Variants in GLI4 observed in about 807,000 individuals in gnomAD.
GLI4 encodes GLI family zinc finger 4.
In GLI4, 34 loss-of-function variants were observed where a neutral mutation model predicts 30.9. That is an observed-to-expected ratio of 1.10 (90% CI 0.84 to 1.47). GLI4 has a LOEUF of 1.47. Ranked by LOEUF, GLI4 falls within the 40% of genes most tolerant of loss-of-function variation. The probability of loss-of-function intolerance (pLI) is 0.00; values close to 1 mark genes in which losing one functional copy is unlikely to be tolerated. For missense variants in GLI4, 696 were observed against 538.9 expected (o/e 1.29, Z -2.89); for synonymous variants, 277 against 236.7 (o/e 1.17, Z -1.56).
At position 143,275,973 on chromosome 8, in the gene GLI4, G is replaced by A. The variant is rs1390701940; in HGVS notation, c.300G>A (p.Leu100=). 2 of 1,353,626 alleles carry A rather than the reference G, an allele frequency of 1.5e-6. No individual in the cohort carries two copies. Among genetic ancestry groups the A allele is most frequent in the Middle Eastern group, 4.0e-4 (2 of 5,054 alleles). 83.9% of individuals were successfully genotyped at this position (1,353,626 alleles called of 1,614,324 possible). ...QAPDEGAGGA[L]RSLLRSLPRR... ...CTGACGAGGGGGCGGGCGGGGCGCT[G>A]CGCAGCCTCCTGAGGAGCCTTCCCC... Residue 100 remains leucine (L), a synonymous_variant, in exon 4 of 4, where the codon CTG becomes CTA. Coordinates refer to ENST00000340042, the MANE Select transcript of GLI4 (RefSeq NM_138465.4).
Position 143,276,834 on chromosome 8 carries a change from A to G in GLI4, c.*30A>G, listed in dbSNP as rs1363150674. On this transcript the variant is annotated 3_prime_UTR_variant, in exon 4 of 4. Coordinates refer to ENST00000340042, the MANE Select transcript of GLI4 (RefSeq NM_138465.4). ...GCGGGGGCTCGGGGCTCGGCCTCCT[A>G]CCTGCCCCCAACCCACCCTCCACCC... 3 of 1,402,064 alleles carry G rather than the reference A, an allele frequency of 2.1e-6. No homozygotes were observed. The highest frequency in any genetic ancestry group is 1.4e-5 in the African/African-American group (1 of 70,442). 86.9% of individuals were successfully genotyped at this position (1,402,064 alleles called of 1,614,324 possible). A position where few individuals can be genotyped will look rare whatever the true frequency, so the allele number is the denominator to read the frequency against.
chr8:143,275,796 A>G, intron 3 of GLI4, 101 bp from the exon 4 acceptor site: 1 of 1,241,532 alleles, frequency 8.1e-7, no homozygotes, highest in Non-Finnish European at 1.0e-6. Context: ...TGTCCCCTCT[A>G]AGCCCCCCCG....
chr8:143,275,470 C>T, intron 3 of GLI4: 1 of 1,357,248 alleles, frequency 7.4e-7, no homozygotes, highest in South Asian at 2.0e-5. Flanking sequence ...TGGGGCAGCC[C>T]CATGAGGAGC....
At chr8:143,267,721 C>G in intron 1 of GLI4, 11 of 985,392 alleles carry the variant, frequency 1.1e-5, no homozygotes, top group Non-Finnish European at 1.3e-5. Flanking sequence ...GGTGTCCGTT[C>G]GCAGGGCGCC....
In GLI4 at chr8:143,275,278, G is replaced by A. The variant is rs929920132; in HGVS notation, c.223+476G>A. 9 of 1,496,988 alleles carry A rather than the reference G, an allele frequency of 6.0e-6. No individual in the cohort carries two copies. In the African/African-American group the frequency reaches 9.7e-5, roughly 16 times the overall value. 92.7% of individuals were successfully genotyped at this position (1,496,988 alleles called of 1,614,324 possible). The stretch of plus-strand genomic sequence containing the variant: ...GAAGCTCCCAGGGTTCCCTCTGGGC[G>A]ATGTTAGTGATATGGCTGGATTTAA... On this transcript the variant is annotated intron_variant, in intron 3 of 3. Coordinates refer to ENST00000340042, the MANE Select transcript of GLI4 (RefSeq NM_138465.4).
chr8:143,274,165 A>G (rs956605204), intron 2 of GLI4, among the ~76,000 whole-genome samples: 2 of 152,184 alleles, frequency 1.3e-5, no homozygotes, highest in African/African-American at 4.8e-5. Flanking sequence ...TGAGGAAGCC[A>G]GGGGCCAGTG....
intron 2 of GLI4, among the ~76,000 whole-genome samples, chr8:143,270,276 C>T (rs1815238645): frequency 6.6e-6 from 1 of 152,222 alleles, no homozygotes; most frequent in South Asian, 2.1e-4. Flanking sequence ...GAAGGGACCA[C>T]TGAGGCTTGT....
intron 1 of GLI4, among the ~76,000 whole-genome samples, chr8:143,268,845 T>TGCA: frequency 7.1e-6 from 1 of 140,812 alleles, no homozygotes; most frequent in East Asian, 2.1e-4. Context: ...CCTTTGCTGC[T>TGCA]GCTGCTGCTG....
At chr8:143,275,316 C>G in intron 3 of GLI4, 1 of 1,442,624 alleles carries the variant, frequency 6.9e-7, no homozygotes, top group East Asian at 2.6e-5. Flanking sequence ...GTGCTGAGCC[C>G]TCGCCCACAT....
chr8:143,271,686 T>C lies in GLI4; in HGVS notation c.124+2166T>C, dbSNP rs545345593. 3.5e-3 allele frequency among the ~76,000 whole-genome samples: 539 copies of C among 152,200 alleles called. 5 individuals carry two copies. Among genetic ancestry groups the C allele is most frequent in the African/African-American group, 0.013 (523 of 41,516 alleles). On this transcript the variant is annotated intron_variant, in intron 2 of 3. Coordinates refer to ENST00000340042, the MANE Select transcript of GLI4 (RefSeq NM_138465.4). Reference sequence around the variant, plus strand: ...ACCTCAGGAGCCTCTGGTGGGTGCGTTGCTGGGCACCAGGCCGTGACGTAT... The same window carrying C: ...ACCTCAGGAGCCTCTGGTGGGTGCGCTGCTGGGCACCAGGCCGTGACGTAT...
At chr8:143,271,853 A>G (rs1057268401) in intron 2 of GLI4, among the ~76,000 whole-genome samples, 1 of 152,348 alleles carries the variant, frequency 6.6e-6, no homozygotes, top group East Asian at 1.9e-4. Context: ...ACTTGGGGCC[A>G]TGGCCTAGCC....
At position 143,269,010 on chromosome 8, in the gene GLI4, A is replaced by C. The variant is rs1212151140; in HGVS notation, c.-37-350A>C. Among the ~76,000 whole-genome samples, 14 of 152,066 alleles carry C rather than the reference A, an allele frequency of 9.2e-5. 1 individual carries two copies. Among genetic ancestry groups the C allele is most frequent in the Admixed American group, 9.2e-4 (14 of 15,270 alleles). On this transcript the variant is annotated intron_variant, in intron 1 of 3. Transcript: ENST00000340042. ...AGGTGCCCGCCACTGCGCCCAGCTA[A>C]TTTTTATATTTTTAGTAGAGATGGG...
chr8:143,276,363 C>A lies in GLI4; in HGVS notation c.690C>A (p.His230Gln), dbSNP rs748029257. ...FRGWSGFIQH[H>Q]RIHTGEKPYE... Reference sequence around the variant, plus strand: ...GCTGGTCGGGCTTCATCCAGCACCACCGCATCCACACGGGCGAGAAGCCCT... The same window carrying A: ...GCTGGTCGGGCTTCATCCAGCACCAACGCATCCACACGGGCGAGAAGCCCT... Residue 230 changes from histidine to glutamine, a missense_variant, in exon 4 of 4, where the codon CAC becomes CAA. Physicochemically the swap from His to Gln is conservative, Grantham distance 24. Transcript: ENST00000340042. 42 of 1,607,122 alleles carry A rather than the reference C, an allele frequency of 2.6e-5. No individual in the cohort carries two copies. In the Admixed American group the frequency reaches 6.9e-4, roughly 26 times the overall value.
At chr8:143,273,800 A>G (rs1047205363) in intron 2 of GLI4, among the ~76,000 whole-genome samples, 1 of 152,104 alleles carries the variant, frequency 6.6e-6, no homozygotes, top group African/African-American at 2.4e-5. Context: ...GTCCTTGAGT[A>G]CAGCCCCCAG....
chr8:143,275,109 T>C, intron 3 of GLI4: 1 of 1,535,678 alleles, frequency 6.5e-7, no homozygotes, highest in South Asian at 1.2e-5. Context: ...CCACCTGCCT[T>C]GGGCTGGGGC....
Position 143,276,678 on chromosome 8 carries a change from C to G in GLI4, c.1005C>G (p.Arg335=). The G allele has an allele frequency of 6.2e-7, 1 of 1,611,482 alleles. No individual in the cohort carries two copies. Among genetic ancestry groups the G allele is most frequent in the Non-Finnish European group, 8.5e-7 (1 of 1,179,360 alleles). The change falls in exon 4 of 4, where the codon CGC becomes CGG. Residue 335 remains arginine (R), a synonymous_variant. Coordinates refer to ENST00000340042, the MANE Select transcript of GLI4 (RefSeq NM_138465.4). ...ACTGCGGCAAAGCCTTCCGCGGCCG[C>G]TCGCACTTCTTCCGGCACCTGCGGA... The part of the protein sequence containing the change: ...CSDCGKAFRG[R]SHFFRHLRTH...
At chr8:143,274,923 T>C in intron 3 of GLI4, 121 bp downstream of exon 3, 1 of 1,476,746 alleles carries the variant, frequency 6.8e-7, no homozygotes, top group Non-Finnish European at 9.0e-7. Context: ...GCCCCTTTTC[T>C]TCCCTGGCAT....
rs775438304 is a variant in GLI4 at position 143,269,387 on chromosome 8, C to T, written c.-10C>T. On this transcript the variant is annotated 5_prime_UTR_variant, in exon 2 of 4. Transcript: ENST00000340042. ...CCCAGGTGTGACACCTTCAGCAGGTCTCAGGGAAGATGGCAGCCCTAGGGG... is the reference window on the plus strand; with the variant it reads ...CCCAGGTGTGACACCTTCAGCAGGTTTCAGGGAAGATGGCAGCCCTAGGGG... 6.2e-7 allele frequency: 1 copy of T among 1,611,470 alleles called. No individual in the cohort carries two copies. Among genetic ancestry groups the T allele is most frequent in the Non-Finnish European group, 8.5e-7 (1 of 1,178,550 alleles).
At chr8:143,275,817 C>T (rs1229904832) in intron 3 of GLI4, 80 bp from the exon 4 acceptor site, 5 of 1,251,294 alleles carry the variant, frequency 4.0e-6, no homozygotes, top group Admixed American at 8.4e-5. Flanking sequence ...TCCAGCTCTG[C>T]TCTCACTCCC....
Sources: allele counts gnomAD v4.1 joint callset (sites outside exome capture counted in the v4.1 genomes callset), GRCh38; gene constraint gnomAD v4.1.1; transcripts MANE v1.5; gene names NCBI Gene and HGNC (gene_info 2026-07-23, HGNC 2026-07-21).